The following SLC1A1 variants were observed in gnomAD, a reference collection of about 807,000 sequenced individuals.
The protein encoded by SLC1A1 is solute carrier family 1 member 1, also known as excitatory amino acid transporter 3.
In SLC1A1, 43 loss-of-function variants were observed where a neutral mutation model predicts 53.3. That is an observed-to-expected ratio of 0.81 (90% CI 0.63 to 1.04). The LOEUF (loss-of-function observed/expected upper bound fraction) is 1.04. Among genes scored for constraint, SLC1A1 ranks in the 50% least tolerant of loss-of-function variants. The pLI, the probability that SLC1A1 is intolerant of heterozygous loss-of-function variation, is 0.00. For missense variants in SLC1A1, 748 were observed against 664.9 expected (o/e 1.12, Z -1.37); for synonymous variants, 307 against 243.2 (o/e 1.26, Z -2.44).
chr9:4,501,494 G>A (rs945187118), intron 1 of SLC1A1, among the ~76,000 whole-genome samples: 2 of 151,618 alleles, frequency 1.3e-5, no homozygotes, highest in Admixed American at 6.6e-5. Flanking sequence ...GGCCAGGTAC[G>A]GTGCTCACGC....
At chr9:4,530,769 G>A (rs1158591147) in intron 1 of SLC1A1, among the ~76,000 whole-genome samples, 3 of 152,078 alleles carry the variant, frequency 2.0e-5, no homozygotes, top group Non-Finnish European at 4.4e-5. Context: ...ACTTAATATA[G>A]TGCTTGGGAT....
At chr9:4,502,148 A>G (rs1820652377) in intron 1 of SLC1A1, among the ~76,000 whole-genome samples, 1 of 151,494 alleles carries the variant, frequency 6.6e-6, no homozygotes, top group African/African-American at 2.4e-5. Flanking sequence ...GCACTTTGGG[A>G]GGCCAAGGCA....
intron 1 of SLC1A1, among the ~76,000 whole-genome samples, chr9:4,504,850 T>G (rs1266460219): frequency 6.6e-6 from 1 of 152,202 alleles, no homozygotes. Context: ...ATTTTCTAAA[T>G]TAGACATCTT....
chr9:4,557,713 T>C lies in SLC1A1; in HGVS notation c.233-3736T>C, dbSNP rs907529630. Among the ~76,000 whole-genome samples, 6 of 152,204 alleles carry C rather than the reference T, an allele frequency of 3.9e-5. No individual in the cohort carries two copies. The East Asian group carries it at 7.7e-4, about 19-fold the overall frequency. On this transcript the variant is annotated intron_variant, in intron 2 of 11. Coordinates refer to ENST00000262352, the MANE Select transcript of SLC1A1 (RefSeq NM_004170.6). ...ACTTTCCAAGTGCTTGCTAGCCATA[T>C]GCACTTTGTGGCTACTGCAGGGGAC...
intron 1 of SLC1A1, among the ~76,000 whole-genome samples, chr9:4,514,021 G>C (rs947237358): frequency 6.6e-6 from 1 of 152,184 alleles, no homozygotes; most frequent in African/African-American, 2.4e-5. Context: ...ACTAGTGGTT[G>C]CTAGAGGTTA....
intron 1 of SLC1A1, among the ~76,000 whole-genome samples, chr9:4,499,002 A>C (rs1820541435): frequency 7.0e-6 from 1 of 143,608 alleles, no homozygotes; most frequent in South Asian, 2.1e-4. Flanking sequence ...ATATAAGATT[A>C]TATATTATAT....
chr9:4,575,815 G>A (rs1034032270), intron 8 of SLC1A1, among the ~76,000 whole-genome samples, 186 bp from the exon 9 acceptor site: 2 of 152,166 alleles, frequency 1.3e-5, no homozygotes, highest in African/African-American at 4.8e-5. Context: ...GATGCTTCAT[G>A]TGCTGAGAGA....
chr9:4,491,638 G>C (rs1005003119), intron 1 of SLC1A1, among the ~76,000 whole-genome samples: 1 of 152,174 alleles, frequency 6.6e-6, no homozygotes, highest in Non-Finnish European at 1.5e-5. Context: ...TTTTACCAAG[G>C]TTGTGTGTTT....
Position 4,556,819 on chromosome 9 carries a change from A to C in SLC1A1, c.233-4630A>C, listed in dbSNP as rs746165858. 6.6e-6 allele frequency among the ~76,000 whole-genome samples: 1 copy of C among 152,184 alleles called. No individual in the cohort carries two copies. The highest frequency in any genetic ancestry group is 1.5e-5 in the Non-Finnish European group (1 of 68,038). Reference sequence around the variant, plus strand: ...AATCTTACTCTTTTTATGTAAAAAAACACATGTATCATTTACTATATAACC... The same window carrying C: ...AATCTTACTCTTTTTATGTAAAAAACCACATGTATCATTTACTATATAACC... On this transcript the variant is annotated intron_variant, in intron 2 of 11. Coordinates refer to ENST00000262352, the MANE Select transcript of SLC1A1 (RefSeq NM_004170.6). This position sits in a 1 kb window ranked among gnomAD's most constrained non-coding sequence, Gnocchi z 4.1.
At chr9:4,536,810 T>C (rs1488014370) in intron 1 of SLC1A1, among the ~76,000 whole-genome samples, 1 of 151,904 alleles carries the variant, frequency 6.6e-6, no homozygotes, top group African/African-American at 2.4e-5. Flanking sequence ...CCAACAATGA[T>C]AGACTGGATT....
At chr9:4,578,128 A>C (rs1019269583) in intron 10 of SLC1A1, among the ~76,000 whole-genome samples, 1 of 152,252 alleles carries the variant, frequency 6.6e-6, no homozygotes, top group Non-Finnish European at 1.5e-5. Flanking sequence ...TTCCAGTTGC[A>C]CATATGCAAT....
rs552005556 is a variant in SLC1A1 at position 4,537,598 on chromosome 9, T to TA, written c.92-6955dup. Among the ~76,000 whole-genome samples, 453 of 125,046 alleles carry TA rather than the reference T, an allele frequency of 3.6e-3. 126 individuals carry two copies. Among genetic ancestry groups the TA allele is most frequent in the African/African-American group, 0.011 (350 of 32,480 alleles). 82.0% of individuals were successfully genotyped at this position (125,046 alleles called of 152,430 possible). A position where few individuals can be genotyped will look rare whatever the true frequency, so the allele number is the denominator to read the frequency against. ...TAAAATAAAATAAAATAAAATAAAA[T>TA]AAAAAAAAAAAAAATCACATGCTAC... On this transcript the variant is annotated intron_variant, in intron 1 of 11. Transcript: ENST00000262352.
chr9:4,530,494 T>C (rs1352223169), intron 1 of SLC1A1, among the ~76,000 whole-genome samples: 1 of 152,170 alleles, frequency 6.6e-6, no homozygotes, highest in Non-Finnish European at 1.5e-5. Flanking sequence ...AAACTAGTTT[T>C]TCCTGCAGGC....
chr9:4,540,482 G>C (rs944928634), intron 1 of SLC1A1, among the ~76,000 whole-genome samples: 1 of 152,200 alleles, frequency 6.6e-6, no homozygotes, highest in African/African-American at 2.4e-5. Context: ...TAAGCCGTCC[G>C]TGGATGGCAA....
rs150245099 is a variant in SLC1A1 at position 4,557,101 on chromosome 9, G to A, written c.233-4348G>A. Among the ~76,000 whole-genome samples, 139 of 152,296 alleles carry A rather than the reference G, an allele frequency of 9.1e-4. 2 individuals carry two copies. The highest frequency in any genetic ancestry group is 3.2e-3 in the African/African-American group (133 of 41,556). On this transcript the variant is annotated intron_variant, in intron 2 of 11. Transcript: ENST00000262352. Reference sequence around the variant, plus strand: ...GGTCCAAGTTTCGGACCCAGAAATGGATCTTTGAAATGGGGTCATTTGTAA... The same window carrying A: ...GGTCCAAGTTTCGGACCCAGAAATGAATCTTTGAAATGGGGTCATTTGTAA...
chr9:4,529,160 G>A (rs1019544351), intron 1 of SLC1A1, among the ~76,000 whole-genome samples: 2 of 152,110 alleles, frequency 1.3e-5, no homozygotes, highest in Non-Finnish European at 2.9e-5. Context: ...TTCGCACACT[G>A]CTTTCTAATG....
intron 1 of SLC1A1, among the ~76,000 whole-genome samples, chr9:4,497,013 G>A (rs1820451025): frequency 6.6e-6 from 1 of 152,148 alleles, no homozygotes; most frequent in Non-Finnish European, 1.5e-5. Flanking sequence ...TTGGGGATTG[G>A]CCAGAGAACG....
At chr9:4,559,534 A>ACCC (rs1429847450) in intron 2 of SLC1A1, among the ~76,000 whole-genome samples, 1 of 144,050 alleles carries the variant, frequency 6.9e-6, no homozygotes, top group Non-Finnish European at 1.5e-5. Flanking sequence ...AGAAGCATAA[A>ACCC]CCCCCAGTCA....
At chr9:4,509,746 C>A (rs1820934344) in intron 1 of SLC1A1, among the ~76,000 whole-genome samples, 1 of 152,088 alleles carries the variant, frequency 6.6e-6, no homozygotes, top group Non-Finnish European at 1.5e-5. Context: ...AGCACAGAGC[C>A]ATATGGCATG....
Sources: allele counts gnomAD v4.1 joint callset (sites outside exome capture counted in the v4.1 genomes callset), GRCh38; gene constraint gnomAD v4.1.1; non-coding constraint Gnocchi (gnomAD v3.1); transcripts MANE v1.5; gene names NCBI Gene and HGNC (gene_info 2026-07-23, HGNC 2026-07-21).